ADPRHL1: variants seen among roughly 807,000 people sequenced by gnomAD.
ADPRHL1 encodes the protein ADP-ribosylhydrolase like 1.
A neutral mutation model predicts 44.1 loss-of-function variants in ADPRHL1; 43 were observed. The ratio of observed to expected loss-of-function variants is 0.98; its 90% CI spans 0.76 to 1.26. The LOEUF (loss-of-function observed/expected upper bound fraction) is 1.26, where lower values mean the gene tolerates loss of function less well. Among genes scored for constraint, ADPRHL1 ranks in the 50% most tolerant of loss-of-function variants. The pLI is 0.00. For synonymous variants in ADPRHL1, 878 were observed against 1,017.4 expected (o/e 0.86, Z 2.61); for missense variants, 2,022 against 2,496.9 (o/e 0.81, Z 4.05).
chr13:113,445,438 C>A (rs972072526), intron 1 of ADPRHL1, among the ~76,000 whole-genome samples: 1 of 152,382 alleles, frequency 6.6e-6, no homozygotes, highest in African/African-American at 2.4e-5. Context: ...CAGGCTGTGG[C>A]AGGCGGATGC....
At position 113,404,591 on chromosome 13, in the gene ADPRHL1, G is replaced by C. The variant is rs939002442; in HGVS notation, c.4691C>G (p.Ala1564Gly). The change falls in exon 8 of 8, where the codon GCC becomes GGC. Residue 1564 changes from alanine to glycine, a missense_variant. This residue lies in a region of ADPRHL1 where 32 missense variants were observed against 72.6 expected (regional missense o/e 0.44). Transcript: ENST00000612156. ...EQAQWQTQIE[A>G]QGQAQEPAQG... Reference sequence around the variant, plus strand: ...AGCTGGTTCCTGTGCCTGCCCCTGGGCCTCTATCTGGGTCTGCCACTGGGC... The same window carrying C: ...AGCTGGTTCCTGTGCCTGCCCCTGGCCCTCTATCTGGGTCTGCCACTGGGC... 7 of 1,292,316 alleles carry C rather than the reference G, an allele frequency of 5.4e-6. No individual in the cohort carries two copies. Among genetic ancestry groups the C allele is most frequent in the Non-Finnish European group, 6.8e-6 (7 of 1,024,416 alleles). The allele number at this position is 1,292,316 out of a possible 1,614,324, so 80.1% of individuals were successfully genotyped here.
chr13:113,435,135 G>T (rs2044041292), intron 2 of ADPRHL1, among the ~76,000 whole-genome samples: 1 of 71,806 alleles, frequency 1.4e-5, no homozygotes, highest in Non-Finnish European at 3.0e-5. Flanking sequence ...GTGTACCCCA[G>T]GACCCGGCAC....
rs2043822312 is a variant in ADPRHL1 at position 113,408,052 on chromosome 13, C to T, written c.1230G>A (p.Gly410=). The change falls in exon 8 of 8, where the codon GGG becomes GGA. Residue 410 remains glycine, a synonymous_variant. Transcript: ENST00000612156. ...ADRPPGTEAG[G]SRPSHQPQTQ... ...TCTGGGGCTGGTGGCTGGGCCTGCT[C>T]CCCCCGGCCTCTGTCCCCGGGGGCC... 3 of 1,232,200 alleles carry T rather than the reference C, an allele frequency of 2.4e-6. No homozygotes were observed. Among genetic ancestry groups the T allele is most frequent in the Non-Finnish European group, 1.0e-6 (1 of 988,148 alleles). The allele number at this position is 1,232,200 out of a possible 1,614,324, so 76.3% of individuals were successfully genotyped here. A position where few individuals can be genotyped will look rare whatever the true frequency, so the allele number is the denominator to read the frequency against.
chr13:113,433,746 G>C lies in ADPRHL1; in HGVS notation c.501C>G (p.Pro167=). The C allele has an allele frequency of 6.3e-7, 1 of 1,589,894 alleles. No individual in the cohort carries two copies. Among genetic ancestry groups the C allele is most frequent in the South Asian group, 1.1e-5 (1 of 88,046 alleles). ...CCACCCCCCGCCCACACTTACCTGT[G>C]GGATGGTTGTGGGTCATCCGGCCGC... The part of the protein sequence containing the change: ...VECGRMTHNH[P]TGFLGSLCTA... The change falls in exon 3 of 8, where the codon CCC becomes CCG. Residue 167 remains proline (P), a synonymous_variant. Transcript: ENST00000612156.
chr13:113,415,191 T>C (rs539203155), intron 7 of ADPRHL1, among the ~76,000 whole-genome samples: 2 of 152,310 alleles, frequency 1.3e-5, no homozygotes, highest in East Asian at 3.9e-4. Flanking sequence ...CCTGGGGTTC[T>C]TGCTGGTCAG....
Position 113,403,539 on chromosome 13 carries a change from C to T in ADPRHL1, c.5743G>A (p.Ala1915Thr), listed in dbSNP as rs1391779026. Residue 1915 changes from alanine (A) to threonine (T), a missense_variant, in exon 8 of 8, where the codon GCC (alanine) becomes ACC (threonine). This residue lies in a region of ADPRHL1 where 205 missense variants were observed against 250.1 expected (regional missense o/e 0.82). Transcript: ENST00000612156. Reference protein sequence around the residue: ...GSPDHPGAERALQDRMEASEP... With the variant: ...GSPDHPGAERTLQDRMEASEP... ...GATGCCTCCATCCTGTCCTGCAGGG[C>T]CCTCTCAGCCCCAGGGTGGTCTGGG... 8.1e-7 allele frequency: 1 copy of T among 1,231,864 alleles called. No homozygotes were observed. The highest frequency in any genetic ancestry group is 1.0e-6 in the Non-Finnish European group (1 of 988,014). The allele number at this position is 1,231,864 out of a possible 1,614,324, so 76.3% of individuals were successfully genotyped here.
intron 1 of ADPRHL1, among the ~76,000 whole-genome samples, chr13:113,447,924 C>T (rs562452587): frequency 6.6e-6 from 1 of 152,302 alleles, no homozygotes; most frequent in South Asian, 2.1e-4. Flanking sequence ...GTTAACAAGC[C>T]TAGCCCTTCC....
chr13:113,405,680 T>C lies in ADPRHL1; in HGVS notation c.3602A>G (p.His1201Arg). 8.1e-7 allele frequency: 1 copy of C among 1,232,414 alleles called. No homozygotes were observed. Among genetic ancestry groups the C allele is most frequent in the South Asian group, 4.1e-5 (1 of 24,352 alleles). The allele number at this position is 1,232,414 out of a possible 1,614,324, so 76.3% of individuals were successfully genotyped here. ...GGCGAGGGTCGCAATGTCCTCTGGG[T>C]GCTGGACGAGGGCCACGCCTCTCAG... Reference protein sequence around the residue: ...SLLRGVALVQHPEDIATLARH... With the variant: ...SLLRGVALVQRPEDIATLARH... The change falls in exon 8 of 8, where the codon CAC (histidine) becomes CGC (arginine). Residue 1201 changes from histidine (H) to arginine (R), a missense_variant. By Grantham distance (29) the His-to-Arg change is conservative. Transcript: ENST00000612156.
chr13:113,419,496 C>T (rs1265829565), intron 7 of ADPRHL1, among the ~76,000 whole-genome samples: 5 of 151,956 alleles, frequency 3.3e-5, no homozygotes, highest in Admixed American at 6.6e-5. Flanking sequence ...ATATAAGATG[C>T]ACCACAATTT....
At chr13:113,445,782 A>C (rs796360421) in intron 1 of ADPRHL1, among the ~76,000 whole-genome samples, 3 of 152,210 alleles carry the variant, frequency 2.0e-5, no homozygotes, top group African/African-American at 7.2e-5. Flanking sequence ...GAGATTAGGA[A>C]GGGCACTTGG....
intron 7 of ADPRHL1, among the ~76,000 whole-genome samples, chr13:113,417,486 G>A (rs1487596131): frequency 2.0e-5 from 3 of 152,210 alleles, no homozygotes; most frequent in African/African-American, 4.8e-5. Context: ...CAGATCAGGC[G>A]CAGTCCCTGC....
At chr13:113,415,011 A>G (rs1270912923) in intron 7 of ADPRHL1, among the ~76,000 whole-genome samples, 1 of 151,548 alleles carries the variant, frequency 6.6e-6, no homozygotes, top group East Asian at 1.9e-4. Context: ...TTCTGTGCCC[A>G]TTTTCCCCTG....
intron 7 of ADPRHL1, among the ~76,000 whole-genome samples, chr13:113,419,005 TCC>T (rs2043900890): frequency 6.9e-6 from 1 of 144,492 alleles, no homozygotes; most frequent in Non-Finnish European, 1.5e-5. Context: ...CCTCCCTTCC[TCC>T]CTCCCTTCCT....
At chr13:113,422,697 T>C (rs975055649) in intron 7 of ADPRHL1, 129 bp downstream of exon 7, 1 of 1,136,532 alleles carries the variant, frequency 8.8e-7, no homozygotes, top group East Asian at 2.4e-5. Flanking sequence ...GAGAGTTAGA[T>C]GTGGCCAGTC....
At chr13:113,419,988 C>T (rs2043907261) in intron 7 of ADPRHL1, among the ~76,000 whole-genome samples, 1 of 152,008 alleles carries the variant, frequency 6.6e-6, no homozygotes, top group South Asian at 2.1e-4. Context: ...CACAGGCACA[C>T]AGCTCGGGGG....
At position 113,413,099 on chromosome 13, in the gene ADPRHL1, G is replaced by A. The variant is rs56222133; in HGVS notation, c.1062-4879C>T. ...CCCACCGCCAACAGCGCCCCGCAGA[G>A]CTCGGTTCACCCACCGCCAACAGCT... On this transcript the variant is annotated intron_variant, in intron 7 of 7. Coordinates refer to ENST00000612156, the MANE Select transcript of ADPRHL1 (RefSeq NM_001394807.1). Among the ~76,000 whole-genome samples the A allele has an allele frequency of 1.0e-3, 82 of 78,344 alleles. 2 individuals carry two copies. The highest frequency in any genetic ancestry group is 3.4e-3 in the African/African-American group (54 of 15,834). 51.4% of individuals were successfully genotyped at this position (78,344 alleles called of 152,430 possible). A position where few individuals can be genotyped will look rare whatever the true frequency, so the allele number is the denominator to read the frequency against.
Position 113,453,398 on chromosome 13 carries a change from C to A in ADPRHL1, c.40G>T (p.Gly14Cys). The A allele has an allele frequency of 6.2e-7, 1 of 1,614,152 alleles. No individual in the cohort carries two copies. Among genetic ancestry groups the A allele is most frequent in the East Asian group, 2.2e-5 (1 of 44,888 alleles). Reference sequence around the variant, plus strand: ...ACATTTCTGTAGCCAAGAGCATCGCCGACGCTCCCCAGCAACATCGCAGCC... The same window carrying A: ...ACATTTCTGTAGCCAAGAGCATCGCAGACGCTCCCCAGCAACATCGCAGCC... ...FKAAMLLGSV[G>C]DALGYRNVCK... Residue 14 changes from glycine (G) to cysteine (C), a missense_variant, in exon 1 of 8, where the codon GGC becomes TGC. Transcript: ENST00000612156. This position sits in a 1 kb window ranked among gnomAD's most constrained non-coding sequence, Gnocchi z 5.4.
Position 113,406,360 on chromosome 13 carries a change from A to T in ADPRHL1, c.2922T>A (p.Ile974=), listed in dbSNP as rs1313700657. The stretch of plus-strand genomic sequence containing the variant: ...TGAGCTCAGAGGTCCTCTCTCCTGA[A>T]ATATCGTCAGGATTCCTGGGACCGT... The part of the protein sequence containing the change: ...NSHGPRNPDD[I]SGERTSELRD... Residue 974 remains isoleucine, a synonymous_variant, in exon 8 of 8, where the codon ATT becomes ATA. Coordinates refer to ENST00000612156, the MANE Select transcript of ADPRHL1 (RefSeq NM_001394807.1). 12 of 1,231,950 alleles carry T rather than the reference A, an allele frequency of 9.7e-6. No individual in the cohort carries two copies. The highest frequency in any genetic ancestry group is 4.1e-5 in the South Asian group (1 of 24,320). 76.3% of individuals were successfully genotyped at this position (1,231,950 alleles called of 1,614,324 possible). A position where few individuals can be genotyped will look rare whatever the true frequency, so the allele number is the denominator to read the frequency against.
rs1429110424 is a variant in ADPRHL1 at position 113,406,293 on chromosome 13, T to C, written c.2989A>G (p.Met997Val). The C allele has an allele frequency of 5.7e-6, 7 of 1,231,996 alleles. No individual in the cohort carries two copies. In the East Asian group the frequency reaches 9.5e-5, roughly 17 times the overall value. 76.3% of individuals were successfully genotyped at this position (1,231,996 alleles called of 1,614,324 possible). ...TTTGTTGCGGAGCCCTTCTTCTGCA[T>C]TGATATTTCATTAGATTCCGGCAAC... ...HPLPESNEIS[M>V]QKKGSATNDP... The change falls in exon 8 of 8, where the codon ATG (methionine) becomes GTG (valine). Residue 997 changes from methionine to valine, a missense_variant. By Grantham distance (21) the Met-to-Val change is conservative. Transcript: ENST00000612156.
Sources: gnomAD v4.1 joint callset for allele counts (sites outside exome capture counted in the v4.1 genomes callset) on GRCh38, gnomAD v4.1.1 for gene constraint, gnomAD v4.1.1 regional missense constraint, Gnocchi (gnomAD v3.1) non-coding constraint, MANE v1.5 for transcripts, NCBI Gene and HGNC (gene_info 2026-07-23, HGNC 2026-07-21) for gene names.